Variants in PCSK5 observed in about 807,000 individuals in gnomAD.
PCSK5 encodes proprotein convertase subtilisin/kexin type 5.
A neutral mutation model predicts 233.2 loss-of-function variants in PCSK5; 129 were observed. The observed-to-expected ratio is 0.55, with a 90% confidence interval of 0.48 to 0.64. The LOEUF is 0.64. PCSK5 is among the 30% of genes least tolerant of loss of function. The pLI is 0.00. For missense variants in PCSK5, 2,076 were observed against 2,430.1 expected, an observed-to-expected ratio of 0.85 and a Z score of 3.06; for synonymous variants, 825 against 879.2, an observed-to-expected ratio of 0.94 and a Z score of 1.09.
At chr9:76,320,785 T>G (rs188244543) in intron 30 of PCSK5, among the ~76,000 whole-genome samples, 80 of 151,404 alleles carry the variant, frequency 5.3e-4, no homozygotes, top group Admixed American at 1.5e-3. Context: ...ATTGTAGCTT[T>G]TTAAAATCTT....
chr9:76,212,217 C>A (rs770544830), intron 20 of PCSK5, among the ~76,000 whole-genome samples: 5 of 152,144 alleles, frequency 3.3e-5, no homozygotes, highest in Non-Finnish European at 2.9e-5. Flanking sequence ...TTTCTTTCAT[C>A]ATTTTGGTAC....
At chr9:76,020,408 T>A (rs931371873) in intron 3 of PCSK5, among the ~76,000 whole-genome samples, 1 of 152,198 alleles carries the variant, frequency 6.6e-6, no homozygotes, top group African/African-American at 2.4e-5. Flanking sequence ...TTGAAATGCA[T>A]TAAAAGTCGA....
chr9:75,891,957 C>G (rs113456942), intron 1 of PCSK5, among the ~76,000 whole-genome samples: 49 of 152,096 alleles, frequency 3.2e-4, no homozygotes, highest in African/African-American at 1.1e-3. Context: ...GGGGCCGGCC[C>G]CGGTGTGAGT....
chr9:76,332,391 T>A, intron 33 of PCSK5, 42 bp from the exon 34 acceptor site: 1 of 1,521,432 alleles, frequency 6.6e-7, no homozygotes. Flanking sequence ...GAGACATGTG[T>A]CATGCTCGAT....
chr9:76,125,951 T>A (rs1265699335), intron 9 of PCSK5, among the ~76,000 whole-genome samples: 6 of 116,346 alleles, frequency 5.2e-5, no homozygotes, highest in Non-Finnish European at 1.0e-4. Flanking sequence ...AAATGCCCAG[T>A]AGACTTTATT....
At chr9:75,903,992 T>A (rs1260448767) in intron 1 of PCSK5, among the ~76,000 whole-genome samples, 1 of 152,188 alleles carries the variant, frequency 6.6e-6, no homozygotes, top group African/African-American at 2.4e-5. Flanking sequence ...AACAAAATTG[T>A]AGGCCACTTA....
intron 37 of PCSK5, among the ~76,000 whole-genome samples, chr9:76,357,215 T>G (rs1015587258): frequency 6.6e-6 from 1 of 152,186 alleles, no homozygotes; most frequent in African/African-American, 2.4e-5. Flanking sequence ...TGACAGGGGT[T>G]GGAACTCCGG....
At chr9:76,149,618 A>T (rs778086196) in intron 10 of PCSK5, among the ~76,000 whole-genome samples, 15 of 152,220 alleles carry the variant, frequency 9.9e-5, no homozygotes, top group Non-Finnish European at 2.2e-4. Context: ...CATATGGTCA[A>T]TCTAATCTTC....
At chr9:76,142,021 A>G (rs958906681) in intron 10 of PCSK5, among the ~76,000 whole-genome samples, 2 of 152,076 alleles carry the variant, frequency 1.3e-5, no homozygotes, top group Non-Finnish European at 2.9e-5. Context: ...AAAAATAACT[A>G]TTGGATACTG....
intron 34 of PCSK5, among the ~76,000 whole-genome samples, chr9:76,336,342 G>A (rs976400736): frequency 1.2e-4 from 18 of 152,148 alleles, no homozygotes; most frequent in Non-Finnish European, 2.5e-4. Flanking sequence ...GACCTGTAGT[G>A]TTGCACCAGA....
intron 5 of PCSK5, among the ~76,000 whole-genome samples, chr9:76,041,059 A>G (rs553078171): frequency 6.6e-6 from 1 of 152,318 alleles, no homozygotes; most frequent in East Asian, 1.9e-4. Context: ...GGCTGTCCAA[A>G]TGTGGCTCAA....
chr9:76,310,352 C>T (rs183148877), intron 29 of PCSK5, among the ~76,000 whole-genome samples: 27 of 152,096 alleles, frequency 1.8e-4, no homozygotes, highest in African/African-American at 6.3e-4. Flanking sequence ...GTACAGCTGC[C>T]TTACACCAGG....
chr9:76,070,759 T>C (rs1381654641), intron 6 of PCSK5, among the ~76,000 whole-genome samples: 1 of 152,224 alleles, frequency 6.6e-6, no homozygotes, highest in East Asian at 1.9e-4. Flanking sequence ...ACATAGTCTC[T>C]ATCTAAACCT....
At chr9:76,043,321 G>A in intron 5 of PCSK5, among the ~76,000 whole-genome samples, 1 of 133,866 alleles carries the variant, frequency 7.5e-6, no homozygotes, top group Non-Finnish European at 1.5e-5. Flanking sequence ...GGGCGACAGA[G>A]CGAGACTCCA....
intron 15 of PCSK5, among the ~76,000 whole-genome samples, chr9:76,180,534 T>C (rs367608058): frequency 9.2e-5 from 14 of 152,224 alleles, no homozygotes; most frequent in African/African-American, 3.4e-4. Flanking sequence ...TGTGCAGATA[T>C]GTTTCCTGGG....
In PCSK5 at chr9:76,027,785, A is replaced by AT. The variant is rs559475236; in HGVS notation, c.632+755dup. 1.3e-3 allele frequency among the ~76,000 whole-genome samples: 200 copies of AT among 152,106 alleles called. 5 individuals are homozygous for AT. The South Asian group carries it at 0.038, about 29-fold the overall frequency. On this transcript the variant is annotated intron_variant, in intron 5 of 37. Coordinates refer to ENST00000674117, the MANE Select transcript of PCSK5 (RefSeq NM_001372043.1). ...CATTTCTAATCTCTAAATCACAGTA[A>AT]TTTTTTTCCCTTTTACTATGAAGCT...
Position 76,336,423 on chromosome 9 carries a change from A to G in PCSK5, c.4749-1807A>G, listed in dbSNP as rs184265496. Among the ~76,000 whole-genome samples the G allele has an allele frequency of 3.1e-3, 476 of 152,328 alleles. 3 individuals carry two copies. The highest frequency in any genetic ancestry group is 0.011 in the African/African-American group (457 of 41,584). ...GCTGATGTCTAGAAATACAGAGATG[A>G]ATCAGATGACCTTTAGAAGTTCATC... On this transcript the variant is annotated intron_variant, in intron 34 of 37. Transcript: ENST00000674117.
chr9:76,148,213 C>T (rs72618110), intron 10 of PCSK5, among the ~76,000 whole-genome samples: 5,288 of 151,514 alleles, frequency 0.035, 442 homozygotes, highest in East Asian at 0.32. Context: ...CTAGATCTCT[C>T]TTTGTTTTTA....
intron 5 of PCSK5, among the ~76,000 whole-genome samples, chr9:76,060,912 A>G (rs1830005095): frequency 6.6e-6 from 1 of 152,242 alleles, no homozygotes; most frequent in South Asian, 2.1e-4. Flanking sequence ...TTAAAGACTC[A>G]TTGAAAGTCT....
Sources: allele counts gnomAD v4.1 joint callset (sites outside exome capture counted in the v4.1 genomes callset), GRCh38; gene constraint gnomAD v4.1.1; transcripts MANE v1.5; gene names NCBI Gene and HGNC (gene_info 2026-07-23, HGNC 2026-07-21).